The following PRKN variants were observed in gnomAD, a reference collection of about 807,000 sequenced individuals.
PRKN encodes E3 ubiquitin-protein ligase parkin.
A neutral mutation model predicts 59.5 loss-of-function variants in PRKN; 56 were observed. That is an observed-to-expected ratio of 0.94 (90% confidence interval 0.76 to 1.18). The LOEUF (loss-of-function observed/expected upper bound fraction) is 1.18. PRKN is among the 50% of genes most tolerant of loss of function. PRKN has a pLI of 0.00. For missense variants in PRKN, 657 were observed against 596.4 expected, an observed-to-expected ratio of 1.10 and a Z score of -1.06; for synonymous variants, 250 against 222.1, an observed-to-expected ratio of 1.13 and a Z score of -1.12.
intron 7 of PRKN, among the ~76,000 whole-genome samples, chr6:161,629,091 C>T (rs1051534174): frequency 1.3e-5 from 2 of 152,100 alleles, no homozygotes; most frequent in Non-Finnish European, 2.9e-5. Context: ...CTTCGTGGAG[C>T]ATGGACTGGA....
intron 2 of PRKN, among the ~76,000 whole-genome samples, chr6:162,282,533 TATGTCCTCAAAAACACATGTACATGG>T (rs1197648042): frequency 6.6e-6 from 1 of 152,214 alleles, no homozygotes; most frequent in African/African-American, 2.4e-5. Flanking sequence ...AATTCTCACA[TATGTCCTCAAAAACACATGTACATGG>T]ATGTCCTTTG....
chr6:162,200,247 A>G (rs908030708), intron 4 of PRKN, among the ~76,000 whole-genome samples: 2 of 151,928 alleles, frequency 1.3e-5, no homozygotes, highest in African/African-American at 4.8e-5. Flanking sequence ...CATGCCCTCT[A>G]TTGCAACCAC....
intron 6 of PRKN, among the ~76,000 whole-genome samples, chr6:161,929,326 T>C (rs1289657785): frequency 1.3e-5 from 2 of 152,010 alleles, no homozygotes; most frequent in Non-Finnish European, 2.9e-5. Flanking sequence ...AGATAGAAAG[T>C]AGCTTAGTGA....
At chr6:162,633,003 T>C (rs1020320138) in intron 1 of PRKN, among the ~76,000 whole-genome samples, 1 of 152,166 alleles carries the variant, frequency 6.6e-6, no homozygotes, top group African/African-American at 2.4e-5. Context: ...TAGTGTTAAG[T>C]TTCAATACTT....
At chr6:162,695,649 C>G (rs1358469339) in intron 1 of PRKN, among the ~76,000 whole-genome samples, 4 of 152,002 alleles carry the variant, frequency 2.6e-5, no homozygotes, top group African/African-American at 9.7e-5. Flanking sequence ...GACTATCTAC[C>G]CATACTGTAT....
At chr6:162,717,242 G>A (rs993310892) in intron 1 of PRKN, among the ~76,000 whole-genome samples, 2 of 152,064 alleles carry the variant, frequency 1.3e-5, no homozygotes, top group Non-Finnish European at 2.9e-5. Context: ...TCTATTAATG[G>A]AAGGGGCTAG....
At chr6:162,489,543 T>C (rs1214709433) in intron 1 of PRKN, among the ~76,000 whole-genome samples, 1 of 152,198 alleles carries the variant, frequency 6.6e-6, no homozygotes, top group African/African-American at 2.4e-5. Flanking sequence ...AATCTTTGTT[T>C]TGAGTCCCTA....
chr6:161,569,688 A>C (rs1780798295), intron 7 of PRKN, among the ~76,000 whole-genome samples: 1 of 152,210 alleles, frequency 6.6e-6, no homozygotes, highest in Non-Finnish European at 1.5e-5. Flanking sequence ...ATCTGGCCTT[A>C]GGATGTCATG....
intron 6 of PRKN, among the ~76,000 whole-genome samples, chr6:161,927,999 C>T (rs1219103890): frequency 2.6e-5 from 4 of 152,148 alleles, no homozygotes; most frequent in Admixed American, 1.3e-4. Context: ...TTAGGAAATA[C>T]ACCTACTATG....
Position 161,410,341 on chromosome 6 carries a change from C to T in PRKN, c.1084-23464G>A, listed in dbSNP as rs769194165. ...TGTGAGCGCCATGCTGAGCCCCGCT[C>T]ATACCCACTGGGCCCAGCTCTTTTT... is the stretch of plus-strand genomic sequence containing the variant. On this transcript the variant is annotated intron_variant, in intron 9 of 11. Coordinates refer to ENST00000366898, the MANE Select transcript of PRKN (RefSeq NM_004562.3). This position sits in a 1 kb window ranked among gnomAD's most constrained non-coding sequence, Gnocchi z 5.3. 3.9e-5 allele frequency among the ~76,000 whole-genome samples: 6 copies of T among 152,164 alleles called. No homozygotes were observed. The highest frequency in any genetic ancestry group is 6.5e-5 in the Admixed American group (1 of 15,288).
intron 2 of PRKN, among the ~76,000 whole-genome samples, chr6:162,269,297 T>C (rs952301481): frequency 5.3e-5 from 8 of 152,186 alleles, no homozygotes; most frequent in Non-Finnish European, 8.8e-5. Context: ...TGTAGGGACC[T>C]GTTCATAAAA....
At chr6:161,797,753 T>G (rs1219150292) in intron 6 of PRKN, among the ~76,000 whole-genome samples, 1 of 152,236 alleles carries the variant, frequency 6.6e-6, no homozygotes, top group Non-Finnish European at 1.5e-5. Context: ...CATTAAAATA[T>G]TGACATAAGA....
intron 2 of PRKN, among the ~76,000 whole-genome samples, chr6:162,384,967 T>C (rs1367162125): frequency 1.3e-5 from 2 of 152,180 alleles, no homozygotes; most frequent in African/African-American, 2.4e-5. Flanking sequence ...CCCACTTTAG[T>C]ATGAAGGGGC....
intron 6 of PRKN, among the ~76,000 whole-genome samples, chr6:161,897,542 A>G (rs1777675827): frequency 6.6e-6 from 1 of 152,200 alleles, no homozygotes; most frequent in Non-Finnish European, 1.5e-5. Context: ...TACCAAAGCA[A>G]TACAATTTCA....
chr6:162,270,661 CTAATT>C (rs1479822223), intron 2 of PRKN: 1 of 152,154 alleles, frequency 6.6e-6, no homozygotes, highest in Non-Finnish European at 1.5e-5. Context: ...AATGATCAGA[CTAATT>C]TAAAAATCAA....
intron 6 of PRKN, among the ~76,000 whole-genome samples, chr6:161,810,637 T>A (rs1791521152): frequency 1.3e-5 from 2 of 152,218 alleles, no homozygotes; most frequent in African/African-American, 4.8e-5. Context: ...TAGGAGTGAC[T>A]ACTTATGTAA....
intron 7 of PRKN, among the ~76,000 whole-genome samples, chr6:161,609,347 CAA>C (rs1463467763): frequency 6.6e-6 from 1 of 152,260 alleles, no homozygotes; most frequent in African/African-American, 2.4e-5. Context: ...TGAAGTGATA[CAA>C]AGTCTTTCAG....
At chr6:162,284,215 CTTTTTTTTTTTT>C (rs35609309) in intron 2 of PRKN, among the ~76,000 whole-genome samples, 2 of 75,678 alleles carry the variant, frequency 2.6e-5, no homozygotes, top group East Asian at 7.0e-4. Flanking sequence ...TTATTTCTTT[CTTTTTTTTTTTT>C]TTTTTTTTTT....
chr6:162,535,411 C>T (rs558792499), intron 1 of PRKN, among the ~76,000 whole-genome samples: 20 of 151,990 alleles, frequency 1.3e-4, no homozygotes, highest in Non-Finnish European at 2.5e-4. Flanking sequence ...TATATATGTA[C>T]ATATATACCT....
Sources: gnomAD v4.1 joint callset for allele counts (sites outside exome capture counted in the v4.1 genomes callset) on GRCh38, gnomAD v4.1.1 for gene constraint, Gnocchi (gnomAD v3.1) non-coding constraint, MANE v1.5 for transcripts, NCBI Gene and HGNC (gene_info 2026-07-23, HGNC 2026-07-21) for gene names.